Variants in SLC38A10 observed in about 807,000 individuals in gnomAD.
SLC38A10 encodes the protein Sodium-coupled neutral amino acid transporter 10.
Under a neutral mutation model 81.0 loss-of-function variants are expected in SLC38A10, and 53 were observed. The ratio of observed to expected loss-of-function variants is 0.65; its 90% CI spans 0.53 to 0.82. The LOEUF is 0.82. Among genes scored for constraint, SLC38A10 ranks in the 40% least tolerant of loss-of-function variants. SLC38A10 has a pLI of 0.00. For missense variants in SLC38A10, 1,471 were observed against 1,545.0 expected, an observed-to-expected ratio of 0.95 and a Z score of 0.80; for synonymous variants, 665 against 655.3, an observed-to-expected ratio of 1.01 and a Z score of -0.23.
chr17:81,264,792 C>T (rs113338537), intron 10 of SLC38A10: 7 of 152,180 alleles, frequency 4.6e-5, no homozygotes, highest in African/African-American at 1.7e-4. Context: ...CCTTGGGGGT[C>T]CTCTCTGGTT....
At chr17:81,251,740 A>AC (rs2062916968) in intron 13 of SLC38A10, 128 bp from the exon 14 acceptor site, 1 of 1,006,206 alleles carries the variant, frequency 9.9e-7, no homozygotes, top group African/African-American at 1.6e-5. Flanking sequence ...CACCCCCGTC[A>AC]GCACAGTTTA....
At chr17:81,293,589 A>C (rs754166602) in intron 1 of SLC38A10, among the ~76,000 whole-genome samples, 12 of 152,132 alleles carry the variant, frequency 7.9e-5, no homozygotes, top group Non-Finnish European at 1.6e-4. Flanking sequence ...CTTCTGCCTC[A>C]GCCTCCCGAG....
At chr17:81,258,156 C>G (rs1473333320) in intron 11 of SLC38A10, among the ~76,000 whole-genome samples, 5 of 152,160 alleles carry the variant, frequency 3.3e-5, no homozygotes, top group African/African-American at 7.2e-5. Context: ...CAGGGCCACG[C>G]AGGACTCTCA....
At chr17:81,251,431 C>T in intron 14 of SLC38A10, 62 bp downstream of exon 14, 1 of 1,608,826 alleles carries the variant, frequency 6.2e-7, no homozygotes. Flanking sequence ...CACCCCAGGG[C>T]TGGGGGAGGG....
intron 10 of SLC38A10, chr17:81,264,785 TG>T (rs1444139064): frequency 6.6e-6 from 1 of 152,178 alleles, no homozygotes; most frequent in Non-Finnish European, 1.5e-5. Context: ...CAGCAGGCCT[TG>T]GGGGTCCTCT....
At chr17:81,250,655 A>C (rs1285723827) in intron 14 of SLC38A10, among the ~76,000 whole-genome samples, 6 of 152,202 alleles carry the variant, frequency 3.9e-5, no homozygotes, top group Non-Finnish European at 8.8e-5. Context: ...TCTTGAGAGA[A>C]GGCTTGGACA....
Position 81,265,841 on chromosome 17 carries a change from G to A in SLC38A10, c.1131+5077C>T, listed in dbSNP as rs541279354. Among the ~76,000 whole-genome samples the A allele has an allele frequency of 5.3e-5, 8 of 152,362 alleles. No homozygotes were observed. The highest frequency in any genetic ancestry group is 1.9e-4 in the East Asian group (1 of 5,190). Reference sequence around the variant, plus strand: ...GTCCGCTGGCCCCACGACCTACTGCGGAGCCGTAGGAGCGCTGGGGACAGG... The same window carrying A: ...GTCCGCTGGCCCCACGACCTACTGCAGAGCCGTAGGAGCGCTGGGGACAGG... On this transcript the variant is annotated intron_variant, in intron 10 of 15. Transcript: ENST00000374759. This position sits in a 1 kb window ranked among gnomAD's most constrained non-coding sequence, Gnocchi z 4.2.
intron 11 of SLC38A10, among the ~76,000 whole-genome samples, chr17:81,259,982 C>T (rs541721167): frequency 6.2e-4 from 94 of 152,298 alleles, no homozygotes; most frequent in African/African-American, 2.1e-3. Flanking sequence ...TCCAGGCCAG[C>T]GGCCACTCCT....
rs1432293834 is a variant in SLC38A10, at chr17:81,270,559, GGGT to G, written c.1131+356_1131+358del. Among the ~76,000 whole-genome samples, 2 of 152,152 alleles carry G rather than the reference GGGT, an allele frequency of 1.3e-5. No homozygotes were observed. The highest frequency in any genetic ancestry group is 2.9e-5 in the Non-Finnish European group (2 of 68,026). On this transcript the variant is annotated intron_variant, in intron 10 of 15. Coordinates refer to ENST00000374759, the MANE Select transcript of SLC38A10 (RefSeq NM_001037984.3). This position sits in a 1 kb window ranked among gnomAD's most constrained non-coding sequence, Gnocchi z 4.0. ...GGAGGGTCGCACCAGGAACAACGGT[GGGT>G]GGTGGCCTCAGGGGTGGGCGGCTGG...
At chr17:81,247,948 GTCTT>G (rs1256759267) in intron 14 of SLC38A10, among the ~76,000 whole-genome samples, 1 of 123,782 alleles carries the variant, frequency 8.1e-6, no homozygotes, top group Non-Finnish European at 1.7e-5. Flanking sequence ...AACAAAAGCT[GTCTT>G]TTTTTTTTTT....
intron 1 of SLC38A10, among the ~76,000 whole-genome samples, chr17:81,291,166 T>C (rs2063307119): frequency 6.6e-6 from 1 of 151,980 alleles, no homozygotes; most frequent in Admixed American, 6.6e-5. Flanking sequence ...TCTGTTGTTC[T>C]GTAGACTTAA....
rs1261168169 is a variant in SLC38A10 at position 81,277,533 on chromosome 17, A to G, written c.627-400T>C. Among the ~76,000 whole-genome samples, 1 of 152,108 alleles carries G rather than the reference A, an allele frequency of 6.6e-6. No homozygotes were observed. Among genetic ancestry groups the G allele is most frequent in the Non-Finnish European group, 1.5e-5 (1 of 67,980 alleles). ...ACACCCTGGCCTGGGCGGCCGGCCC[A>G]TCTCGGCGCCTCCATCTCGGCGCCT... is the stretch of plus-strand genomic sequence containing the variant. On this transcript the variant is annotated intron_variant, in intron 6 of 15. Transcript: ENST00000374759. This position sits in a 1 kb window ranked among gnomAD's most constrained non-coding sequence, Gnocchi z 4.5.
At position 81,270,148 on chromosome 17, in the gene SLC38A10, C is replaced by G. The variant is rs371735271; in HGVS notation, c.1131+770G>C. Among the ~76,000 whole-genome samples the G allele has an allele frequency of 3.1e-4, 47 of 152,326 alleles. 1 individual carries two copies. Among genetic ancestry groups the G allele is most frequent in the African/African-American group, 1.1e-3 (47 of 41,570 alleles). On this transcript the variant is annotated intron_variant, in intron 10 of 15. Transcript: ENST00000374759. The surrounding 1 kb of genome is among the most constrained non-coding windows in gnomAD (Gnocchi z 4.0). ...GATGAAGCCTGGAAGGTCCTGGGTG[C>G]AGGGACAGAGGCCTTGAGCCTGGCT...
At position 81,245,330 on chromosome 17, in the gene SLC38A10, G is replaced by C. The variant is rs2062838065; in HGVS notation, c.*226C>G. The stretch of plus-strand genomic sequence containing the variant: ...GAGTGAGCTCAGAGTCTAGAGGTCA[G>C]AGGACCTCAGACTAAGAGCTGCAAC... On this transcript the variant is annotated 3_prime_UTR_variant, in exon 16 of 16. Coordinates refer to ENST00000374759, the MANE Select transcript of SLC38A10 (RefSeq NM_001037984.3). The C allele has an allele frequency of 1.8e-6, 1 of 557,010 alleles. No individual in the cohort carries two copies. The highest frequency in any genetic ancestry group is 3.0e-6 in the Non-Finnish European group (1 of 328,098). The allele number at this position is 557,010 out of a possible 1,614,324, so 34.5% of individuals were successfully genotyped here.
intron 10 of SLC38A10, among the ~76,000 whole-genome samples, chr17:81,268,502 TTCAAGTGATTC>T (rs2063088826): frequency 6.6e-6 from 1 of 151,572 alleles, no homozygotes. Flanking sequence ...ACCTCCCGGG[TTCAAGTGATTC>T]TCCTGCCTCA....
At position 81,251,535 on chromosome 17, in the gene SLC38A10, C is replaced by G; in HGVS notation, c.2023G>C (p.Val675Leu). Residue 675 changes from valine to leucine, a missense_variant, in exon 14 of 16, where the codon GTG becomes CTG. Transcript: ENST00000374759. ...LPPEPREQRD[V>L]ERAGGNQAAS... Reference sequence around the variant, plus strand: ...GCCTGGTTTCCACCCGCTCGCTCCACGTCCCTCTGCTCGCGAGGCTCGGGC... The same window carrying G: ...GCCTGGTTTCCACCCGCTCGCTCCAGGTCCCTCTGCTCGCGAGGCTCGGGC... 2 of 1,562,276 alleles carry G rather than the reference C, an allele frequency of 1.3e-6. No homozygotes were observed. Among genetic ancestry groups the G allele is most frequent in the South Asian group, 2.3e-5 (2 of 85,188 alleles).
rs2146965853 is a variant in SLC38A10 at position 81,295,300 on chromosome 17, A to G, written c.-379T>C. On this transcript the variant is annotated 5_prime_UTR_variant, in exon 1 of 16. Transcript: ENST00000374759. Reference sequence around the variant, plus strand: ...CAACTCAGCTGCCGCCGCGGCGCTCACACTTCCGCCTTCCACGGGCTCCGT... The same window carrying G: ...CAACTCAGCTGCCGCCGCGGCGCTCGCACTTCCGCCTTCCACGGGCTCCGT... 1.3e-5 allele frequency: 2 copies of G among 153,678 alleles called. No homozygotes were observed. The highest frequency in any genetic ancestry group is 4.8e-5 in the African/African-American group (2 of 41,614). 9.5% of individuals were successfully genotyped at this position (153,678 alleles called of 1,614,324 possible). A position where few individuals can be genotyped will look rare whatever the true frequency, so the allele number is the denominator to read the frequency against.
At chr17:81,279,650 C>T (rs1325676108) in intron 6 of SLC38A10, 1 of 154,992 alleles carries the variant, frequency 6.5e-6, no homozygotes, top group Non-Finnish European at 1.4e-5. Context: ...ACTCCGGAAC[C>T]AGACCCGAAC....
At position 81,283,089 on chromosome 17, in the gene SLC38A10, G is replaced by A. The variant is rs535907721; in HGVS notation, c.357+320C>T. On this transcript the variant is annotated intron_variant, in intron 4 of 15. Coordinates refer to ENST00000374759, the MANE Select transcript of SLC38A10 (RefSeq NM_001037984.3). The surrounding 1 kb of genome is among the most constrained non-coding windows in gnomAD (Gnocchi z 4.7). ...GACCATGGAGGCCGGGGATGCCTGA[G>A]GGCCTGGCCGCCTCTGCCCTCCAAT... 1.1e-3 allele frequency among the ~76,000 whole-genome samples: 164 copies of A among 152,306 alleles called. No individual in the cohort carries two copies. The highest frequency in any genetic ancestry group is 6.8e-3 in the Middle Eastern group (2 of 294).
Sources: gnomAD v4.1 joint callset for allele counts (sites outside exome capture counted in the v4.1 genomes callset) on GRCh38, gnomAD v4.1.1 for gene constraint, Gnocchi (gnomAD v3.1) non-coding constraint, MANE v1.5 for transcripts, NCBI Gene and HGNC (gene_info 2026-07-23, HGNC 2026-07-21) for gene names.